Variants in SEMA3C observed in about 807,000 individuals in gnomAD.
The protein encoded by SEMA3C is semaphorin-3C.
A neutral mutation model predicts 89.4 loss-of-function variants in SEMA3C; 47 were observed. The ratio of observed to expected loss-of-function variants is 0.53; its 90% CI spans 0.42 to 0.67. SEMA3C has a LOEUF of 0.67. Ranked by LOEUF, SEMA3C falls within the 30% of genes least tolerant of loss-of-function variation. SEMA3C has a pLI of 0.00. For missense variants in SEMA3C, 839 were observed against 929.1 expected (o/e 0.90, Z 1.26); for synonymous variants, 310 against 320.2 (o/e 0.97, Z 0.34).
intron 2 of SEMA3C, among the ~76,000 whole-genome samples, chr7:80,877,391 G>T (rs532674696): frequency 6.6e-6 from 1 of 151,946 alleles, no homozygotes; most frequent in South Asian, 2.1e-4. Flanking sequence ...GCTTTGCCTC[G>T]TTCTCCTTTA....
In SEMA3C at chr7:80,793,812, A is replaced by G. The variant is rs1788998700; in HGVS notation, c.1131+4280T>C. ...GCTGAAGACAGATTGCAGAAAATAA[A>G]TGCAAAACTAGGCTGAGAAAGAGTG... On this transcript the variant is annotated intron_variant, in intron 11 of 17. Transcript: ENST00000265361. Among the ~76,000 whole-genome samples the G allele has an allele frequency of 2.4e-5, 3 of 127,002 alleles. No individual in the cohort carries two copies. In the South Asian group the frequency reaches 7.2e-4, roughly 31 times the overall value. 83.3% of individuals were successfully genotyped at this position (127,002 alleles called of 152,430 possible). A position where few individuals can be genotyped will look rare whatever the true frequency, so the allele number is the denominator to read the frequency against.
rs766668794 is a variant in SEMA3C at position 80,765,188 on chromosome 7, G to A, written c.1410C>T (p.Gly470=). Residue 470 remains glycine (G), a synonymous_variant, in exon 13 of 18, where the codon GGC becomes GGT. Transcript: ENST00000265361. Reference sequence around the variant, plus strand: ...CTTCCAGCTCCTCCAGAATGAGCTCGCCACTGACAGAGTTGTTAGTAGGAA... The same window carrying A: ...CTTCCAGCTCCTCCAGAATGAGCTCACCACTGACAGAGTTGTTAGTAGGAA... The part of the protein sequence containing the change: ...VVLPTNNSVS[G]ELILEELEVF... The A allele has an allele frequency of 5.6e-6, 9 of 1,613,370 alleles. No homozygotes were observed. The highest frequency in any genetic ancestry group is 2.2e-5 in the East Asian group (1 of 44,820).
At chr7:80,846,696 G>A (rs908710760) in intron 2 of SEMA3C, among the ~76,000 whole-genome samples, 3 of 152,142 alleles carry the variant, frequency 2.0e-5, no homozygotes, top group African/African-American at 7.2e-5. Context: ...TGATTCTCCT[G>A]TGAGAAATGA....
intron 2 of SEMA3C, among the ~76,000 whole-genome samples, chr7:80,836,404 G>A (rs1790126712): frequency 6.6e-6 from 1 of 152,156 alleles, no homozygotes; most frequent in Non-Finnish European, 1.5e-5. Flanking sequence ...AGTGCTGGGC[G>A]CGGTGGCTCA....
At chr7:80,884,069 G>A (rs557881626) in intron 2 of SEMA3C, among the ~76,000 whole-genome samples, 2 of 152,032 alleles carry the variant, frequency 1.3e-5, no homozygotes, top group Non-Finnish European at 2.9e-5. Context: ...TCTTTGAATT[G>A]CATTAGTTTT....
intron 2 of SEMA3C, among the ~76,000 whole-genome samples, chr7:80,900,962 T>C (rs1373496018): frequency 6.6e-6 from 1 of 152,208 alleles, no homozygotes; most frequent in Admixed American, 6.5e-5. Context: ...ATTGCCTGAA[T>C]GGCTTAAAAA....
At chr7:80,818,250 A>T in intron 5 of SEMA3C, 49 bp downstream of exon 5, 1 of 1,507,992 alleles carries the variant, frequency 6.6e-7, no homozygotes, top group Non-Finnish European at 9.0e-7. Context: ...AGTTTCAAAA[A>T]TCCTTGACAC....
chr7:80,902,432 T>C (rs1483466072), intron 2 of SEMA3C, among the ~76,000 whole-genome samples: 3 of 152,206 alleles, frequency 2.0e-5, no homozygotes, highest in Non-Finnish European at 4.4e-5. Context: ...TTTTCAATTG[T>C]AAATATGTAG....
At chr7:80,780,030 A>T (rs1788656889) in intron 12 of SEMA3C, among the ~76,000 whole-genome samples, 3 of 152,188 alleles carry the variant, frequency 2.0e-5, no homozygotes, top group Admixed American at 6.5e-5. Context: ...AGCCTGGCTA[A>T]ATTTTGATTA....
At chr7:80,877,042 C>T (rs930883282) in intron 2 of SEMA3C, among the ~76,000 whole-genome samples, 2 of 152,168 alleles carry the variant, frequency 1.3e-5, no homozygotes, top group Non-Finnish European at 2.9e-5. Context: ...AGGCAGGGCG[C>T]CATCTGTCAT....
intron 3 of SEMA3C, 139 bp downstream of exon 3, chr7:80,828,445 AG>A (rs1201816263): frequency 1.6e-6 from 1 of 639,280 alleles, no homozygotes; most frequent in Non-Finnish European, 2.5e-6. Context: ...CCATGAAATA[AG>A]TACTAACTTT....
intron 12 of SEMA3C, among the ~76,000 whole-genome samples, chr7:80,779,583 C>T (rs1312782684): frequency 1.3e-5 from 2 of 152,122 alleles, no homozygotes; most frequent in African/African-American, 4.8e-5. Context: ...GAAAAAAAGT[C>T]TCATTTTCTT....
intron 2 of SEMA3C, among the ~76,000 whole-genome samples, chr7:80,871,150 T>C (rs1304556334): frequency 6.6e-6 from 1 of 152,204 alleles, no homozygotes; most frequent in Non-Finnish European, 1.5e-5. Flanking sequence ...GTATTTATAG[T>C]TGTAAGAAAT....
intron 2 of SEMA3C, among the ~76,000 whole-genome samples, chr7:80,853,926 C>T (rs1326628228): frequency 4.0e-5 from 6 of 150,030 alleles, no homozygotes; most frequent in African/African-American, 1.5e-4. Flanking sequence ...GTATACACAC[C>T]TGCTATGTAC....
At position 80,863,978 on chromosome 7, in the gene SEMA3C, A is replaced by ATG. The variant is rs1249748620; in HGVS notation, c.104-35234_104-35233insCA. Among the ~76,000 whole-genome samples the ATG allele has an allele frequency of 2.7e-5, 4 of 145,868 alleles. No individual in the cohort carries two copies. The South Asian group carries it at 8.7e-4, about 32-fold the overall frequency. ...CACATGTATATCACATATATATCACATATATCACATGTATATCACATATAT... is the reference window on the plus strand; with the variant it reads ...CACATGTATATCACATATATATCACATGTATATCACATGTATATCACATATAT... On this transcript the variant is annotated intron_variant, in intron 2 of 17. Coordinates refer to ENST00000265361, the MANE Select transcript of SEMA3C (RefSeq NM_006379.5).
At chr7:80,812,361 T>A (rs924444106) in intron 5 of SEMA3C, among the ~76,000 whole-genome samples, 1 of 152,200 alleles carries the variant, frequency 6.6e-6, no homozygotes, top group African/African-American at 2.4e-5. Context: ...AGGCTGATAA[T>A]AGCACAATTT....
At chr7:80,911,515 T>G (rs1027718270) in intron 2 of SEMA3C, among the ~76,000 whole-genome samples, 7 of 152,308 alleles carry the variant, frequency 4.6e-5, no homozygotes, top group South Asian at 2.1e-4. Flanking sequence ...GTGAACAAAT[T>G]TAAAATAAGC....
intron 2 of SEMA3C, among the ~76,000 whole-genome samples, chr7:80,862,586 AAC>A (rs1302118874): frequency 6.6e-6 from 1 of 152,164 alleles, no homozygotes; most frequent in African/African-American, 2.4e-5. Flanking sequence ...AATTAGAAAA[AAC>A]ACAATTCTAA....
At chr7:80,827,147 C>T (rs763836465) in intron 4 of SEMA3C, among the ~76,000 whole-genome samples, 38 of 152,148 alleles carry the variant, frequency 2.5e-4, no homozygotes, top group Middle Eastern at 3.4e-3. Flanking sequence ...AGGTTGAATC[C>T]ACTAGGAACA....
Sources: allele counts gnomAD v4.1 joint callset (sites outside exome capture counted in the v4.1 genomes callset), GRCh38; gene constraint gnomAD v4.1.1; transcripts MANE v1.5; gene names NCBI Gene and HGNC (gene_info 2026-07-23, HGNC 2026-07-21).